Variants in ALK observed in about 807,000 individuals in gnomAD.
ALK encodes ALK tyrosine kinase receptor.
ALK carries 74 observed loss-of-function variants against 163.1 expected under a neutral mutation model. The ratio of observed to expected loss-of-function variants is 0.45; its 90% CI spans 0.38 to 0.55. ALK has a LOEUF of 0.55. ALK is among the 20% of genes least tolerant of loss of function. The pLI is 0.00. For synonymous variants in ALK, 960 were observed against 843.2 expected, an observed-to-expected ratio of 1.14 and a Z score of -2.40; for missense variants, 2,063 against 2,105.3, an observed-to-expected ratio of 0.98 and a Z score of 0.39.
At chr2:29,669,172 C>T (rs898620913) in intron 3 of ALK, among the ~76,000 whole-genome samples, 2 of 152,040 alleles carry the variant, frequency 1.3e-5, no homozygotes, top group Non-Finnish European at 2.9e-5. Context: ...TCTGGATGAT[C>T]TGTCCATTAC....
rs117455092 is a variant in ALK at position 29,560,703 on chromosome 2, C to G, written c.953-28587G>C. ...CCTCCCACCTCAGCCCGTTGAGTAG[C>G]TGGGACTACAGGTGTACACTACCAT... is the stretch of plus-strand genomic sequence containing the variant. On this transcript the variant is annotated intron_variant, in intron 3 of 28. Transcript: ENST00000389048. Among the ~76,000 whole-genome samples, 67 of 152,130 alleles carry G rather than the reference C, an allele frequency of 4.4e-4. 3 individuals are homozygous for G. In the East Asian group the frequency reaches 0.012, roughly 28 times the overall value.
chr2:29,734,267 A>G (rs1214683087), intron 1 of ALK, among the ~76,000 whole-genome samples: 4 of 152,324 alleles, frequency 2.6e-5, no homozygotes, highest in African/African-American at 7.2e-5. Context: ...GCTGCAGACC[A>G]TCTCCATCCC....
intron 4 of ALK, among the ~76,000 whole-genome samples, chr2:29,458,737 C>A (rs1294412620): frequency 6.6e-6 from 1 of 152,164 alleles, no homozygotes; most frequent in Non-Finnish European, 1.5e-5. Context: ...AGATTGAATT[C>A]TCCTGGTGCT....
intron 4 of ALK, among the ~76,000 whole-genome samples, chr2:29,460,555 T>C (rs1426290952): frequency 6.6e-6 from 1 of 152,204 alleles, no homozygotes; most frequent in East Asian, 1.9e-4. Flanking sequence ...TCAAATTTTT[T>C]CATTATTATT....
intron 4 of ALK, among the ~76,000 whole-genome samples, chr2:29,479,464 G>T (rs990469573): frequency 1.3e-5 from 2 of 152,204 alleles, no homozygotes; most frequent in African/African-American, 4.8e-5. Flanking sequence ...AAGCTTTAGG[G>T]TGTTTTGCTC....
intron 1 of ALK, among the ~76,000 whole-genome samples, chr2:29,818,818 G>C (rs1558502128): frequency 6.6e-6 from 1 of 152,206 alleles, no homozygotes; most frequent in Non-Finnish European, 1.5e-5. Context: ...CTAGGGTCTT[G>C]GTTCTGCACT....
intron 4 of ALK, among the ~76,000 whole-genome samples, chr2:29,506,364 C>T (rs952186424): frequency 3.9e-5 from 6 of 152,040 alleles, no homozygotes; most frequent in South Asian, 2.1e-4. Context: ...TAATAGAAGG[C>T]GATTAGAGAA....
intron 3 of ALK, among the ~76,000 whole-genome samples, chr2:29,640,746 T>TG (rs1676678776): frequency 6.6e-6 from 1 of 150,750 alleles, no homozygotes; most frequent in Admixed American, 6.6e-5. Flanking sequence ...TTACTATTAG[T>TG]GGGGGAAGAA....
intron 1 of ALK, among the ~76,000 whole-genome samples, chr2:29,797,744 T>C (rs896236815): frequency 6.6e-6 from 1 of 152,228 alleles, no homozygotes; most frequent in African/African-American, 2.4e-5. Flanking sequence ...CTCATCTCCA[T>C]ATCCATGCAC....
intron 4 of ALK, among the ~76,000 whole-genome samples, chr2:29,400,823 A>G (rs569604521): frequency 6.6e-6 from 1 of 152,200 alleles, no homozygotes; most frequent in African/African-American, 2.4e-5. Flanking sequence ...AAAAATACAA[A>G]GATTAGCCAG....
At chr2:29,445,514 G>T (rs1190487425) in intron 4 of ALK, among the ~76,000 whole-genome samples, 4 of 152,202 alleles carry the variant, frequency 2.6e-5, no homozygotes, top group Non-Finnish European at 1.5e-5. Flanking sequence ...GGAGATGCTG[G>T]ATTAATAGTA....
chr2:29,889,468 T>C (rs1452573341), intron 1 of ALK, among the ~76,000 whole-genome samples: 2 of 152,066 alleles, frequency 1.3e-5, no homozygotes, highest in African/African-American at 4.8e-5. Context: ...CCACAGGATC[T>C]ATTTTCTTTA....
chr2:29,441,091 G>A (rs2148081352), intron 4 of ALK, among the ~76,000 whole-genome samples: 1 of 152,322 alleles, frequency 6.6e-6, no homozygotes, highest in South Asian at 2.1e-4. Context: ...CTCCAGCATT[G>A]CTCACCTGAA....
At chr2:29,575,885 C>A (rs1674512542) in intron 3 of ALK, among the ~76,000 whole-genome samples, 1 of 152,110 alleles carries the variant, frequency 6.6e-6, no homozygotes, top group Admixed American at 6.5e-5. Context: ...GGCTTTGCAG[C>A]AGGGGTGTGG....
intron 3 of ALK, among the ~76,000 whole-genome samples, chr2:29,615,606 A>G (rs1464940864): frequency 2.0e-5 from 3 of 152,208 alleles, no homozygotes; most frequent in African/African-American, 7.2e-5. Context: ...TGTTATCAAT[A>G]CTATTTGCCC....
intron 1 of ALK, among the ~76,000 whole-genome samples, chr2:29,755,015 G>A (rs1314546407): frequency 6.6e-6 from 1 of 152,150 alleles, no homozygotes; most frequent in Non-Finnish European, 1.5e-5. Flanking sequence ...AGGAAGCACC[G>A]TGATTCTGAG....
chr2:29,463,118 A>G (rs561533638), intron 4 of ALK, among the ~76,000 whole-genome samples: 1 of 152,346 alleles, frequency 6.6e-6, no homozygotes, highest in Non-Finnish European at 1.5e-5. Context: ...CATGCTAACA[A>G]TAATAAACCA....
At chr2:29,614,288 GGATCAT>G (rs1457557814) in intron 3 of ALK, among the ~76,000 whole-genome samples, 1 of 152,204 alleles carries the variant, frequency 6.6e-6, no homozygotes, top group African/African-American at 2.4e-5. Context: ...TGCCAGCTCT[GGATCAT>G]GTCGCCTCTC....
At chr2:29,659,093 G>T (rs563716050) in intron 3 of ALK, among the ~76,000 whole-genome samples, 15 of 152,188 alleles carry the variant, frequency 9.9e-5, no homozygotes, top group South Asian at 6.2e-4. Flanking sequence ...TTAATGCTTA[G>T]CCAGTGCTCT....
Sources: gnomAD v4.1 joint callset for allele counts (sites outside exome capture counted in the v4.1 genomes callset) on GRCh38, gnomAD v4.1.1 for gene constraint, MANE v1.5 for transcripts, NCBI Gene and HGNC (gene_info 2026-07-23, HGNC 2026-07-21) for gene names.